The following GASK1A variants were observed in gnomAD, a reference collection of about 807,000 sequenced individuals.
The protein encoded by GASK1A is golgi associated kinase 1A.
A neutral mutation model predicts 41.2 loss-of-function variants in GASK1A; 40 were observed. The observed-to-expected ratio is 0.97, with a 90% CI of 0.75 to 1.27. The LOEUF (loss-of-function observed/expected upper bound fraction) is 1.27, where lower values mean the gene tolerates loss of function less well. GASK1A is among the 50% of genes most tolerant of loss of function. The probability of loss-of-function intolerance (pLI) is 0.00; values close to 1 mark genes in which losing one functional copy is unlikely to be tolerated. For synonymous variants in GASK1A, 316 were observed against 307.1 expected, an observed-to-expected ratio of 1.03 and a Z score of -0.30; for missense variants, 678 against 745.1, an observed-to-expected ratio of 0.91 and a Z score of 1.05.
At chr3:43,043,787 T>G (rs1298996085) in intron 2 of GASK1A, among the ~76,000 whole-genome samples, 1 of 152,232 alleles carries the variant, frequency 6.6e-6, no homozygotes, top group Non-Finnish European at 1.5e-5. Context: ...TTATCATTTT[T>G]TCTTGGTATC....
intron 1 of GASK1A, among the ~76,000 whole-genome samples, chr3:43,029,037 G>A (rs1037728473): frequency 2.0e-5 from 3 of 152,124 alleles, no homozygotes; most frequent in African/African-American, 4.8e-5. Context: ...ATTTTAGCAC[G>A]TGGGTGCCAG....
In GASK1A at chr3:43,056,319, G is replaced by A. The variant is rs935144635; in HGVS notation, c.1661G>A (p.Arg554Gln). 21 of 1,551,412 alleles carry A rather than the reference G, an allele frequency of 1.4e-5. No homozygotes were observed. Among genetic ancestry groups the A allele is most frequent in the African/African-American group, 8.2e-5 (6 of 73,042 alleles). ...LKQVLQTLEQRGQVLLGHIQK... is the reference protein window; with the variant it reads ...LKQVLQTLEQQGQVLLGHIQK... ...CAGGTCCTCCAGACCCTGGAGCAGC[G>A]AGGACAGGTGCTGCTGGGACACATC... The change falls in exon 5 of 5, where the codon CGA becomes CAA. Residue 554 changes from arginine to glutamine, a missense_variant. Coordinates refer to ENST00000430121, the MANE Select transcript of GASK1A (RefSeq NM_001129908.3).
chr3:43,001,604 A>T (rs1317959630), intron 1 of GASK1A, among the ~76,000 whole-genome samples: 1 of 152,186 alleles, frequency 6.6e-6, no homozygotes, highest in Non-Finnish European at 1.5e-5. Context: ...CTTTCAAAAG[A>T]GGAGAGCTGT....
chr3:43,021,008 G>A (rs2125682986), intron 1 of GASK1A, among the ~76,000 whole-genome samples: 1 of 152,358 alleles, frequency 6.6e-6, no homozygotes, highest in South Asian at 2.1e-4. Flanking sequence ...CACTGCCCTT[G>A]ATGGTTAGAA....
At chr3:43,037,391 A>T in intron 2 of GASK1A, 1 of 964,520 alleles carries the variant, frequency 1.0e-6, no homozygotes, top group Non-Finnish European at 1.7e-6. Flanking sequence ...CACTAAGTAC[A>T]GACAGCCCTT....
intron 1 of GASK1A, 23 bp downstream of exon 1, chr3:42,979,668 C>T (rs988971379): frequency 1.1e-5 from 14 of 1,245,832 alleles, no homozygotes; most frequent in Non-Finnish European, 1.3e-5. Flanking sequence ...GGAAGGAACG[C>T]GCGAGCGGAG....
intron 1 of GASK1A, among the ~76,000 whole-genome samples, chr3:42,979,891 C>T (rs6775999): frequency 0.16 from 24,354 of 152,062 alleles, 2,095 homozygotes; most frequent in Non-Finnish European, 0.19. Context: ...TACTAATCTG[C>T]ACTCCTTGAC....
At chr3:42,991,938 T>A (rs2089343200) in intron 1 of GASK1A, among the ~76,000 whole-genome samples, 1 of 152,210 alleles carries the variant, frequency 6.6e-6, no homozygotes, top group Non-Finnish European at 1.5e-5. Context: ...CTGGCCAGTC[T>A]GCAGGCTCTG....
rs2089535785 is a variant in GASK1A at position 43,024,298 on chromosome 3, C to G, written c.4-7969C>G. On this transcript the variant is annotated intron_variant, in intron 1 of 4. Transcript: ENST00000430121. ...GCTGAAATTATTCAATTTCAGTTAG[C>G]TTAACTTTCTTTGCTCATTCCGTAC... Among the ~76,000 whole-genome samples the G allele has an allele frequency of 2.0e-5, 3 of 152,268 alleles. No individual in the cohort carries two copies. The South Asian group carries it at 6.2e-4, about 32-fold the overall frequency.
intron 2 of GASK1A, among the ~76,000 whole-genome samples, chr3:43,035,638 G>A (rs907670203): frequency 1.3e-5 from 2 of 152,118 alleles, no homozygotes; most frequent in African/African-American, 4.8e-5. Flanking sequence ...CTGTCCTCTG[G>A]GGATCCCAGC....
chr3:43,010,035 A>C (rs1420212912), intron 1 of GASK1A, among the ~76,000 whole-genome samples: 2 of 152,064 alleles, frequency 1.3e-5, no homozygotes, highest in East Asian at 3.9e-4. Context: ...CTGGGGAGCA[A>C]CCTCACCCCT....
At chr3:43,037,577 T>C in intron 2 of GASK1A, 3 of 312,078 alleles carry the variant, frequency 9.6e-6, no homozygotes, top group African/African-American at 6.4e-5. Flanking sequence ...ACTTTGGAAA[T>C]TCAGATCCCT....
intron 2 of GASK1A, among the ~76,000 whole-genome samples, chr3:43,042,290 G>GC (rs2089641584): frequency 7.4e-6 from 1 of 134,856 alleles, no homozygotes. Flanking sequence ...GCAATATAGG[G>GC]AAACCTTGTC....
At chr3:43,055,723 T>C (rs1391089892) in intron 4 of GASK1A, 188 bp downstream of exon 4, 2 of 576,366 alleles carry the variant, frequency 3.5e-6, no homozygotes, top group Non-Finnish European at 6.2e-6. Flanking sequence ...TGGCAGGGCC[T>C]ACCCCAATAT....
chr3:42,989,534 A>G (rs535877714), intron 1 of GASK1A, among the ~76,000 whole-genome samples: 1 of 151,512 alleles, frequency 6.6e-6, no homozygotes, highest in South Asian at 2.1e-4. Context: ...GGGTTTTGCA[A>G]CTCTATTGTT....
chr3:43,025,324 G>C (rs1398799530), intron 1 of GASK1A, among the ~76,000 whole-genome samples: 1 of 152,212 alleles, frequency 6.6e-6, no homozygotes, highest in East Asian at 1.9e-4. Flanking sequence ...AGGAAAGGTG[G>C]AATGAAGGTC....
intron 1 of GASK1A, among the ~76,000 whole-genome samples, chr3:42,980,444 G>C (rs554459507): frequency 3.3e-5 from 5 of 152,326 alleles, no homozygotes; most frequent in African/African-American, 1.2e-4. Context: ...CCCCAACTGG[G>C]CTCCTGCAGT....
intron 1 of GASK1A, among the ~76,000 whole-genome samples, chr3:42,987,250 C>T (rs139835170): frequency 2.4e-3 from 360 of 152,366 alleles, no homozygotes; most frequent in African/African-American, 8.2e-3. Context: ...ACAATCTAAA[C>T]TAATCCTGGT....
chr3:43,026,714 T>G (rs2089548624), intron 1 of GASK1A, among the ~76,000 whole-genome samples: 1 of 150,558 alleles, frequency 6.6e-6, no homozygotes, highest in Non-Finnish European at 1.5e-5. Context: ...GTGAACAAAA[T>G]GAAATGAAAA....
Sources: allele counts gnomAD v4.1 joint callset (sites outside exome capture counted in the v4.1 genomes callset), GRCh38; gene constraint gnomAD v4.1.1; transcripts MANE v1.5; gene names NCBI Gene and HGNC (gene_info 2026-07-23, HGNC 2026-07-21).